Variants in ARHGEF28 observed in about 807,000 individuals in gnomAD.
ARHGEF28 encodes the protein Rho guanine nucleotide exchange factor 28, also known as 190 kDa guanine nucleotide exchange factor.
Under a neutral mutation model 206.6 loss-of-function variants are expected in ARHGEF28, and 152 were observed. The observed-to-expected ratio is 0.74, with a 90% confidence interval of 0.64 to 0.84. The LOEUF is 0.84. ARHGEF28 is among the 40% of genes least tolerant of loss of function. ARHGEF28 has a pLI of 0.00. For synonymous variants in ARHGEF28, 763 were observed against 776.4 expected, an observed-to-expected ratio of 0.98 and a Z score of 0.29; for missense variants, 2,028 against 2,073.2, an observed-to-expected ratio of 0.98 and a Z score of 0.42.
chr5:73,939,294 G>GTAAA (rs1217148971), intron 35 of ARHGEF28, among the ~76,000 whole-genome samples: 1 of 152,178 alleles, frequency 6.6e-6, no homozygotes, highest in Non-Finnish European at 1.5e-5. Context: ...CCTGTGCTCT[G>GTAAA]TAAATGGTGG....
intron 22 of ARHGEF28, among the ~76,000 whole-genome samples, chr5:73,881,905 G>A (rs948453953): frequency 1.3e-5 from 2 of 152,180 alleles, no homozygotes; most frequent in African/African-American, 4.8e-5. Flanking sequence ...ATTCACTGGT[G>A]TCTTTCATCT....
At chr5:73,694,597 A>G (rs1309465378) in intron 2 of ARHGEF28, among the ~76,000 whole-genome samples, 1 of 152,176 alleles carries the variant, frequency 6.6e-6, no homozygotes, top group African/African-American at 2.4e-5. Flanking sequence ...TTATTTCCAT[A>G]TTCCAGAAAG....
intron 9 of ARHGEF28, among the ~76,000 whole-genome samples, chr5:73,806,812 GCCA>G (rs1561417959): frequency 7.9e-6 from 1 of 126,792 alleles, no homozygotes; most frequent in African/African-American, 3.2e-5. Context: ...ATCTATATGT[GCCA>G]TATATACGAT....
At chr5:73,632,414 C>A (rs549322098) in intron 1 of ARHGEF28, among the ~76,000 whole-genome samples, 90 of 152,306 alleles carry the variant, frequency 5.9e-4, no homozygotes, top group South Asian at 2.3e-3. Context: ...AATTCCCCTG[C>A]ATGGCCTATC....
chr5:73,892,006 T>G, intron 26 of ARHGEF28, 46 bp from the exon 27 acceptor site: 1 of 1,540,068 alleles, frequency 6.5e-7, no homozygotes, highest in Non-Finnish European at 8.8e-7. Flanking sequence ...GAGCCTTACT[T>G]TAGCTAGGAT....
chr5:73,870,249 G>A (rs545063911), intron 21 of ARHGEF28, 40 bp downstream of exon 21: 15 of 1,579,114 alleles, frequency 9.5e-6, no homozygotes, highest in African/African-American at 4.1e-5. Context: ...GAAGCAGTGC[G>A]GTTCAGAGAA....
intron 3 of ARHGEF28, among the ~76,000 whole-genome samples, chr5:73,752,072 G>C (rs1752043214): frequency 6.6e-6 from 1 of 152,144 alleles, no homozygotes; most frequent in South Asian, 2.1e-4. Flanking sequence ...GGGGCAACAG[G>C]GTGCTATGAA....
intron 16 of ARHGEF28, among the ~76,000 whole-genome samples, chr5:73,864,385 T>C (rs1181821491): frequency 1.3e-5 from 2 of 152,172 alleles, no homozygotes; most frequent in Non-Finnish European, 2.9e-5. Context: ...TTTTTCAGCA[T>C]TGTTAAGAGT....
At chr5:73,728,190 T>C (rs1488484090) in intron 2 of ARHGEF28, among the ~76,000 whole-genome samples, 1 of 152,244 alleles carries the variant, frequency 6.6e-6, no homozygotes, top group African/African-American at 2.4e-5. Context: ...TATGCTGTCA[T>C]TGAAGCCATA....
chr5:73,629,397 C>T (rs1421098339), intron 1 of ARHGEF28, among the ~76,000 whole-genome samples: 1 of 151,640 alleles, frequency 6.6e-6, no homozygotes, highest in African/African-American at 2.4e-5. Flanking sequence ...GTCCCAGCTA[C>T]TTGAGAGGCA....
At chr5:73,938,835 C>A (rs945569310) in intron 35 of ARHGEF28, among the ~76,000 whole-genome samples, 2 of 151,762 alleles carry the variant, frequency 1.3e-5, no homozygotes, top group African/African-American at 4.8e-5. Flanking sequence ...ACAAGGAAAT[C>A]ATTGCCTGGG....
intron 1 of ARHGEF28, among the ~76,000 whole-genome samples, chr5:73,664,053 T>C (rs1745789307): frequency 6.6e-6 from 1 of 152,210 alleles, no homozygotes; most frequent in Admixed American, 6.5e-5. Context: ...TGCAGGCTTT[T>C]CTGATGACTT....
At chr5:73,778,076 T>TTAA in intron 6 of ARHGEF28, 1 of 140,680 alleles carries the variant, frequency 7.1e-6, no homozygotes, top group Middle Eastern at 3.8e-3. Flanking sequence ...AGACTCCGTC[T>TTAA]AAAAAAAAAA....
chr5:73,789,171 C>G (rs1333990221), intron 7 of ARHGEF28, among the ~76,000 whole-genome samples: 1 of 152,178 alleles, frequency 6.6e-6, no homozygotes, highest in Admixed American at 6.5e-5. Flanking sequence ...TACCTCCTAT[C>G]TATCTATCTA....
chr5:73,855,759 T>A (rs1197050469), intron 14 of ARHGEF28, among the ~76,000 whole-genome samples: 1 of 151,872 alleles, frequency 6.6e-6, no homozygotes, highest in Non-Finnish European at 1.5e-5. Context: ...TAAAGTGTCG[T>A]GTTGTAGAAG....
intron 7 of ARHGEF28, among the ~76,000 whole-genome samples, chr5:73,782,045 T>C (rs1241337032): frequency 6.6e-6 from 1 of 152,020 alleles, no homozygotes; most frequent in Non-Finnish European, 1.5e-5. Context: ...ATACTTTTGA[T>C]TCTGCTTTTA....
chr5:73,798,866 A>G (rs2112493540), intron 9 of ARHGEF28, among the ~76,000 whole-genome samples: 1 of 152,024 alleles, frequency 6.6e-6, no homozygotes, highest in African/African-American at 2.4e-5. Flanking sequence ...GGTGGGTGGA[A>G]CACTTGAGGT....
At chr5:73,872,003 GT>G (rs1420259975) in intron 21 of ARHGEF28, among the ~76,000 whole-genome samples, 1 of 152,066 alleles carries the variant, frequency 6.6e-6, no homozygotes, top group Middle Eastern at 3.2e-3. Flanking sequence ...GACATTTTGG[GT>G]TTTTCCACTT....
At chr5:73,869,806 G>A (rs1759977563) in intron 20 of ARHGEF28, among the ~76,000 whole-genome samples, 1 of 152,120 alleles carries the variant, frequency 6.6e-6, no homozygotes, top group Non-Finnish European at 1.5e-5. Context: ...TACTTGGGAG[G>A]CTGAGGCAGG....
Sources: gnomAD v4.1 joint callset for allele counts (sites outside exome capture counted in the v4.1 genomes callset) on GRCh38, gnomAD v4.1.1 for gene constraint, MANE v1.5 for transcripts, NCBI Gene and HGNC (gene_info 2026-07-23, HGNC 2026-07-21) for gene names.